The following PXDN variants were observed in gnomAD, a reference collection of about 807,000 sequenced individuals.
The protein encoded by PXDN is peroxidasin homolog.
Under a neutral mutation model 140.3 loss-of-function variants are expected in PXDN, and 77 were observed. That is an observed-to-expected ratio of 0.55 (90% confidence interval 0.46 to 0.66). The LOEUF is 0.66. Ranked by LOEUF, PXDN falls within the 30% of genes least tolerant of loss-of-function variation. PXDN has a pLI of 0.00. For synonymous variants in PXDN, 911 were observed against 857.4 expected (o/e 1.06, Z -1.09); for missense variants, 1,838 against 2,039.5 (o/e 0.90, Z 1.90).
intron 9 of PXDN, among the ~76,000 whole-genome samples, chr2:1,668,999 CG>C (rs1195898141): frequency 6.6e-6 from 1 of 152,116 alleles, no homozygotes; most frequent in Non-Finnish European, 1.5e-5. Context: ...CACATGCACA[CG>C]TTATGTTTAT....
At chr2:1,683,951 A>T in intron 5 of PXDN, 129 bp downstream of exon 5, 2 of 1,021,882 alleles carry the variant, frequency 2.0e-6, no homozygotes, top group Non-Finnish European at 2.9e-6. Context: ...AAATTGTTAG[A>T]CTAGAAATAT....
intron 17 of PXDN, among the ~76,000 whole-genome samples, chr2:1,647,106 G>A (rs1488998490): frequency 6.6e-6 from 1 of 152,060 alleles, no homozygotes; most frequent in Non-Finnish European, 1.5e-5. Flanking sequence ...ATCTTGGCCA[G>A]GCTGGTCTTG....
At chr2:1,658,050 CTCTCTCTCTCTCTCT>C (rs1683196526) in intron 14 of PXDN, among the ~76,000 whole-genome samples, 1 of 124,842 alleles carries the variant, frequency 8.0e-6, no homozygotes, top group Non-Finnish European at 1.7e-5. Flanking sequence ...CTCTCTCTCT[CTCTCTCTCTCTCTCT>C]CTCTCTCTCT....
At chr2:1,720,724 T>TCTCTCACACA (rs1410992286) in intron 1 of PXDN, among the ~76,000 whole-genome samples, 167 of 28,158 alleles carry the variant, frequency 5.9e-3, no homozygotes, top group African/African-American at 0.012. Context: ...TCTCTCTCTC[T>TCTCTCACACA]CACACACACA....
chr2:1,644,582 T>C (rs1429017020), intron 18 of PXDN, 36 bp downstream of exon 18: 1 of 1,558,078 alleles, frequency 6.4e-7, no homozygotes, highest in African/African-American at 1.4e-5. Context: ...GAAGGTGGCT[T>C]AGGAGCGTGC....
intron 1 of PXDN, among the ~76,000 whole-genome samples, chr2:1,694,258 A>G (rs6548062): frequency 0.95 from 145,326 of 152,248 alleles, 69,570 homozygotes; most frequent in African/African-American, 0.98. Context: ...TAAGGTCAGG[A>G]CATTAGGGTA....
In PXDN at chr2:1,652,670, C is replaced by T. The variant is rs1683041166; in HGVS notation, c.2104+958G>A. On this transcript the variant is annotated intron_variant, in intron 16 of 22. Transcript: ENST00000252804. ...TGCGGAACATACAGCTTCACATTGG[C>T]TGGTGCCCAGGCTTCAGCACCAACA... Among the ~76,000 whole-genome samples the T allele has an allele frequency of 2.0e-5, 3 of 152,144 alleles. No homozygotes were observed. In the South Asian group the frequency reaches 6.2e-4, roughly 32 times the overall value.
At position 1,687,393 on chromosome 2, in the gene PXDN, C is replaced by T. The variant is rs187651164; in HGVS notation, c.416+239G>A. Among the ~76,000 whole-genome samples, 110 of 152,024 alleles carry T rather than the reference C, an allele frequency of 7.2e-4. No individual in the cohort carries two copies. Among genetic ancestry groups the T allele is most frequent in the African/African-American group, 2.2e-3 (93 of 41,444 alleles). On this transcript the variant is annotated intron_variant, in intron 4 of 22. Coordinates refer to ENST00000252804, the MANE Select transcript of PXDN (RefSeq NM_012293.3). The surrounding 1 kb of genome is among the most constrained non-coding windows in gnomAD (Gnocchi z 4.0). ...AGCATGGCCCAGGGCCTGGTGCCGCCGTAAGGAAACCAGGGATACGTCCTG... is the reference window on the plus strand; with the variant it reads ...AGCATGGCCCAGGGCCTGGTGCCGCTGTAAGGAAACCAGGGATACGTCCTG...
rs570725632 is a variant in PXDN, at chr2:1,640,887, G to A, written c.3953-1465C>T. On this transcript the variant is annotated intron_variant, in intron 19 of 22. Transcript: ENST00000252804. Reference sequence around the variant, plus strand: ...GGCACTGTGGGGTCCCTGCCAAAGCGCACACCAGCCCCAACCCCAGAACTC... The same window carrying A: ...GGCACTGTGGGGTCCCTGCCAAAGCACACACCAGCCCCAACCCCAGAACTC... Among the ~76,000 whole-genome samples the A allele has an allele frequency of 3.0e-4, 46 of 152,240 alleles. 1 individual carries two copies. The highest frequency in any genetic ancestry group is 1.1e-3 in the African/African-American group (44 of 41,550).
Position 1,664,939 on chromosome 2 carries a change from G to A in PXDN, c.1408+19C>T, listed in dbSNP as rs764684548. On this transcript the variant is annotated intron_variant, in intron 11 of 22. Transcript: ENST00000252804. The stretch of plus-strand genomic sequence containing the variant: ...TGTGGCCGCGGAGGGAGCAGGCAAA[G>A]GGCCGGCCTGGGTCTTACCTCCCTT... 28 of 1,560,410 alleles carry A rather than the reference G, an allele frequency of 1.8e-5. No homozygotes were observed. Among genetic ancestry groups the A allele is most frequent in the Non-Finnish European group, 2.1e-5 (24 of 1,137,022 alleles).
In PXDN at chr2:1,689,054, G is replaced by A. The variant is rs549926916; in HGVS notation, c.345-1351C>T. ...CACGAACCACCCAGAACTCCCCAGC[G>A]ACCGAGAGCCCAGTGCCCGCAGCAG... On this transcript the variant is annotated intron_variant, in intron 3 of 22. Coordinates refer to ENST00000252804, the MANE Select transcript of PXDN (RefSeq NM_012293.3). Among the ~76,000 whole-genome samples the A allele has an allele frequency of 3.3e-5, 5 of 152,112 alleles. No homozygotes were observed. In the East Asian group the frequency reaches 7.7e-4, roughly 24 times the overall value.
intron 1 of PXDN, among the ~76,000 whole-genome samples, chr2:1,734,135 C>T (rs375208078): frequency 3.3e-5 from 5 of 152,170 alleles, no homozygotes; most frequent in Admixed American, 2.0e-4. Flanking sequence ...ATATACCGCT[C>T]GGATATTTCA....
chr2:1,634,166 T>C lies in PXDN; in HGVS notation c.*38A>G, dbSNP rs1203966283. 7 of 1,552,164 alleles carry C rather than the reference T, an allele frequency of 4.5e-6. No individual in the cohort carries two copies. Among genetic ancestry groups the C allele is most frequent in the Middle Eastern group, 1.7e-4 (1 of 5,968 alleles). On this transcript the variant is annotated 3_prime_UTR_variant, in exon 23 of 23. Transcript: ENST00000252804. ...TGCCATCGGCCACCCGATCTCACGATGGCACAGCAGACAAACTCTGAGGAG... is the reference window on the plus strand; with the variant it reads ...TGCCATCGGCCACCCGATCTCACGACGGCACAGCAGACAAACTCTGAGGAG...
Position 1,648,850 on chromosome 2 carries a change from C to T in PXDN, c.2930G>A (p.Arg977His), listed in dbSNP as rs963480269. The change falls in exon 17 of 23, where the codon CGC (arginine) becomes CAC (histidine). Residue 977 changes from arginine (R) to histidine (H), a missense_variant. Arg to His is a conservative substitution (Grantham distance 29). Around this residue, in one of 5 missense-constraint regions of PXDN, gnomAD observed 850 missense variants for 894.1 expected, o/e 0.95. Transcript: ENST00000252804. This position sits in a 1 kb window ranked among gnomAD's most constrained non-coding sequence, Gnocchi z 8.9. ...PIPCFLAGDH[R>H]ANEQLGLTSM... ...GGTCAGGCCCAGCTGCTCGTTGGCG[C>T]GGTGGTCCCCGGCCAGGAAGCAGGG... 1.9e-6 allele frequency: 3 copies of T among 1,600,396 alleles called. No individual in the cohort carries two copies. Among genetic ancestry groups the T allele is most frequent in the South Asian group, 1.1e-5 (1 of 89,600 alleles).
intron 9 of PXDN, among the ~76,000 whole-genome samples, chr2:1,670,416 A>C (rs1290300556): frequency 6.6e-6 from 1 of 152,204 alleles, no homozygotes; most frequent in Non-Finnish European, 1.5e-5. Flanking sequence ...TTGTATATAG[A>C]TAGGAAAGAA....
In PXDN at chr2:1,648,380, G is replaced by T; in HGVS notation, c.3400C>A (p.Leu1134Met). 1 of 1,613,090 alleles carries T rather than the reference G, an allele frequency of 6.2e-7. No individual in the cohort carries two copies. The highest frequency in any genetic ancestry group is 8.5e-7 in the Non-Finnish European group (1 of 1,179,888). ...VAGKMRVPSQLLNTELTERLF... is the reference protein window; with the variant it reads ...VAGKMRVPSQMLNTELTERLF... ...CGCTCCGTGAGCTCCGTGTTCAGCA[G>T]CTGCGAGGGCACACGCATTTTCCCC... is the stretch of plus-strand genomic sequence containing the variant. The change falls in exon 17 of 23, where the codon CTG (leucine) becomes ATG (methionine). Residue 1134 changes from leucine to methionine, a missense_variant. By Grantham distance (15) the Leu-to-Met change is conservative. This residue lies in a region of PXDN where 850 missense variants were observed against 894.1 expected (regional missense o/e 0.95). Coordinates refer to ENST00000252804, the MANE Select transcript of PXDN (RefSeq NM_012293.3). The surrounding 1 kb of genome is among the most constrained non-coding windows in gnomAD (Gnocchi z 8.9).
Position 1,648,914 on chromosome 2 carries a change from G to A in PXDN, c.2866C>T (p.Pro956Ser). The change falls in exon 17 of 23, where the codon CCC becomes TCC. Residue 956 changes from proline to serine, a missense_variant. Pro to Ser is a moderately conservative substitution (Grantham distance 74). Transcript: ENST00000252804. This position sits in a 1 kb window ranked among gnomAD's most constrained non-coding sequence, Gnocchi z 8.9. Reference sequence around the variant, plus strand: ...TTCTCGTCCCGCATGCACTCCGTGGGCGGCCCGGTGGCGAAGGGGAGCAGC... The same window carrying A: ...TTCTCGTCCCGCATGCACTCCGTGGACGGCCCGGTGGCGAAGGGGAGCAGC... The part of the protein sequence containing the change: ...KPLLPFATGP[P>S]TECMRDENES... 6.2e-7 allele frequency: 1 copy of A among 1,601,210 alleles called. No individual in the cohort carries two copies. The highest frequency in any genetic ancestry group is 1.7e-5 in the Admixed American group (1 of 59,642).
chr2:1,633,238 C>T lies in PXDN; in HGVS notation c.*966G>A, dbSNP rs1682459551. 1 of 150,320 alleles carries T rather than the reference C, an allele frequency of 6.7e-6. No homozygotes were observed. Among genetic ancestry groups the T allele is most frequent in the African/African-American group, 2.5e-5 (1 of 40,794 alleles). The allele number at this position is 150,320 out of a possible 1,614,324, so 9.3% of individuals were successfully genotyped here. A position where few individuals can be genotyped will look rare whatever the true frequency, so the allele number is the denominator to read the frequency against. ...AGTTCCCGACACTTGAGCTCCTCCT[C>T]CCTTGGGAAGAGCCATCCGGAAGCG... On this transcript the variant is annotated 3_prime_UTR_variant, in exon 23 of 23. Transcript: ENST00000252804.
At chr2:1,728,715 T>C (rs1278602192) in intron 1 of PXDN, among the ~76,000 whole-genome samples, 2 of 152,090 alleles carry the variant, frequency 1.3e-5, no homozygotes. Flanking sequence ...GAGGAACAGG[T>C]GTGGTGGAGA....
Sources: gnomAD v4.1 joint callset for allele counts (sites outside exome capture counted in the v4.1 genomes callset) on GRCh38, gnomAD v4.1.1 for gene constraint, gnomAD v4.1.1 regional missense constraint, Gnocchi (gnomAD v3.1) non-coding constraint, MANE v1.5 for transcripts, NCBI Gene and HGNC (gene_info 2026-07-23, HGNC 2026-07-21) for gene names.